GPC5: variants seen among roughly 807,000 people sequenced by gnomAD.
The protein encoded by GPC5 is glypican 5.
In GPC5, 47 loss-of-function variants were observed where a neutral mutation model predicts 53.9. That is an observed-to-expected ratio of 0.87 (90% confidence interval 0.69 to 1.11). The LOEUF (loss-of-function observed/expected upper bound fraction) is 1.11. Among genes scored for constraint, GPC5 ranks in the 50% most tolerant of loss-of-function variants. The pLI is 0.00. For missense variants in GPC5, 748 were observed against 713.1 expected (o/e 1.05, Z -0.56); for synonymous variants, 286 against 263.3 (o/e 1.09, Z -0.84).
At chr13:91,960,412 A>C (rs1393349635) in intron 6 of GPC5, among the ~76,000 whole-genome samples, 1 of 152,022 alleles carries the variant, frequency 6.6e-6, no homozygotes, top group African/African-American at 2.4e-5. Flanking sequence ...AAACACTGAT[A>C]AAGGAAACTA....
At chr13:92,559,862 C>T (rs1394277973) in intron 7 of GPC5, among the ~76,000 whole-genome samples, 1 of 151,222 alleles carries the variant, frequency 6.6e-6, no homozygotes, top group Non-Finnish European at 1.5e-5. Flanking sequence ...TCTCCACCGC[C>T]TCCTCATATG....
chr13:92,277,897 A>G (rs1267479061), intron 7 of GPC5, among the ~76,000 whole-genome samples: 1 of 151,974 alleles, frequency 6.6e-6, no homozygotes, highest in African/African-American at 2.4e-5. Context: ...TTTAGATACT[A>G]GAAAAATATA....
chr13:92,290,616 A>C (rs1476285858), intron 7 of GPC5, among the ~76,000 whole-genome samples: 3 of 152,250 alleles, frequency 2.0e-5, no homozygotes, highest in Non-Finnish European at 4.4e-5. Context: ...TACTTCACTT[A>C]GAATGAGTCT....
intron 7 of GPC5, among the ~76,000 whole-genome samples, chr13:92,677,312 C>A (rs558181526): frequency 6.6e-6 from 1 of 152,210 alleles, no homozygotes; most frequent in Admixed American, 6.5e-5. Context: ...AAAAGACTAA[C>A]TTGAATACAA....
chr13:92,548,143 CTAT>C (rs979335543), intron 7 of GPC5, among the ~76,000 whole-genome samples: 1 of 151,718 alleles, frequency 6.6e-6, no homozygotes, highest in African/African-American at 2.4e-5. Flanking sequence ...CCGGCCATGG[CTAT>C]TATTCTTTTA....
chr13:92,724,903 C>CACACACACAG lies in GPC5; in HGVS notation c.1562-141370_1562-141369insGACACACACA, dbSNP rs1358016015. Among the ~76,000 whole-genome samples, 280 of 150,052 alleles carry CACACACACAG rather than the reference C, an allele frequency of 1.9e-3. 1 individual carries two copies. Among genetic ancestry groups the CACACACACAG allele is most frequent in the African/African-American group, 6.6e-3 (270 of 40,820 alleles). On this transcript the variant is annotated intron_variant, in intron 7 of 7. Coordinates refer to ENST00000377067, the MANE Select transcript of GPC5 (RefSeq NM_004466.6). ...ACACACACACACACACACACACACA[C>CACACACACAG]ACACACACAAGAAAGAAAAAACAAG...
intron 1 of GPC5, among the ~76,000 whole-genome samples, chr13:91,416,578 A>G (rs1470643266): frequency 6.6e-6 from 1 of 151,968 alleles, no homozygotes; most frequent in Non-Finnish European, 1.5e-5. Context: ...CCTTTACATT[A>G]CGCATTTCTC....
intron 7 of GPC5, among the ~76,000 whole-genome samples, chr13:92,645,566 T>C (rs533274666): frequency 6.6e-6 from 1 of 152,310 alleles, no homozygotes; most frequent in Admixed American, 6.5e-5. Context: ...TGCTCAGTCA[T>C]ACAATAAGTG....
chr13:92,782,697 T>C (rs547294971), intron 7 of GPC5, among the ~76,000 whole-genome samples: 8 of 152,218 alleles, frequency 5.3e-5, no homozygotes, highest in Non-Finnish European at 8.8e-5. Flanking sequence ...TCTGTGAATA[T>C]AGACTGGTTT....
At chr13:92,441,543 A>G (rs1018415869) in intron 7 of GPC5, among the ~76,000 whole-genome samples, 2 of 152,188 alleles carry the variant, frequency 1.3e-5, no homozygotes, top group Non-Finnish European at 2.9e-5. Flanking sequence ...CACTAATAAC[A>G]TTGAACCTGA....
Position 91,458,288 on chromosome 13 carries a change from G to A in GPC5, c.325+9366G>A, listed in dbSNP as rs13378691. Reference sequence around the variant, plus strand: ...GAAAGGATATCACCGAGGCCAGGTCGTCTGGGGCCTGTTAGGCATTTATTC... The same window carrying A: ...GAAAGGATATCACCGAGGCCAGGTCATCTGGGGCCTGTTAGGCATTTATTC... On this transcript the variant is annotated intron_variant, in intron 2 of 7. Transcript: ENST00000377067. Among the ~76,000 whole-genome samples the A allele has an allele frequency of 4.3e-3, 656 of 152,166 alleles. 3 individuals carry two copies. The highest frequency in any genetic ancestry group is 0.015 in the African/African-American group (635 of 41,534).
chr13:92,315,729 A>T (rs2043174521), intron 7 of GPC5, among the ~76,000 whole-genome samples: 1 of 152,230 alleles, frequency 6.6e-6, no homozygotes, highest in Non-Finnish European at 1.5e-5. Flanking sequence ...TGAGATATGG[A>T]TTGGAAAAAT....
intron 6 of GPC5, among the ~76,000 whole-genome samples, chr13:92,061,146 G>A (rs2041119898): frequency 6.6e-6 from 1 of 151,950 alleles, no homozygotes; most frequent in South Asian, 2.1e-4. Context: ...AGAACCTATT[G>A]CTTTAGGGAT....
intron 7 of GPC5, among the ~76,000 whole-genome samples, chr13:92,201,735 A>C (rs1204872778): frequency 6.6e-6 from 1 of 152,224 alleles, no homozygotes; most frequent in East Asian, 1.9e-4. Context: ...AAAGAAATTA[A>C]AGAACACAAG....
chr13:91,912,874 G>A lies in GPC5; in HGVS notation c.1401+4817G>A, dbSNP rs932538329. 4.6e-5 allele frequency among the ~76,000 whole-genome samples: 7 copies of A among 152,076 alleles called. No homozygotes were observed. In the South Asian group the frequency reaches 6.2e-4, roughly 14 times the overall value. ...TAACAATTGTATTTTGATACATATT[G>A]CCACGTTTTTCTCAAGGAAAATTAA... On this transcript the variant is annotated intron_variant, in intron 6 of 7. Transcript: ENST00000377067.
chr13:92,549,884 TACACACACACACAC>T lies in GPC5; in HGVS notation c.1562-316374_1562-316361del, dbSNP rs34914341. The stretch of plus-strand genomic sequence containing the variant: ...AAGTTTCTTTTACCAAACACACACA[TACACACACACACAC>T]ACACACACACACACACACACACAAT... On this transcript the variant is annotated intron_variant, in intron 7 of 7. Coordinates refer to ENST00000377067, the MANE Select transcript of GPC5 (RefSeq NM_004466.6). Among the ~76,000 whole-genome samples the T allele has an allele frequency of 2.1e-4, 30 of 140,886 alleles. No individual in the cohort carries two copies. In the East Asian group the frequency reaches 4.3e-3, roughly 20 times the overall value. The allele number at this position is 140,886 out of a possible 152,430, so 92.4% of individuals were successfully genotyped here. A position where few individuals can be genotyped will look rare whatever the true frequency, so the allele number is the denominator to read the frequency against.
At chr13:92,209,689 A>C (rs1215781556) in intron 7 of GPC5, among the ~76,000 whole-genome samples, 1 of 152,032 alleles carries the variant, frequency 6.6e-6, no homozygotes, top group African/African-American at 2.4e-5. Flanking sequence ...AAAAAAAAAT[A>C]GTGTCTAGTT....
intron 7 of GPC5, among the ~76,000 whole-genome samples, chr13:92,201,959 C>T (rs2042298235): frequency 6.6e-6 from 1 of 152,112 alleles, no homozygotes; most frequent in Non-Finnish European, 1.5e-5. Context: ...CAATAGTAAT[C>T]AGATTACTTA....
At position 92,111,193 on chromosome 13, in the gene GPC5, C is replaced by G. The variant is rs1191915676; in HGVS notation, c.1402-33637C>G. ...CTTCCTTCCTTTTCACTCTGCCATC[C>G]TTTACATGTGTCTGTCTTTCTGATC... On this transcript the variant is annotated intron_variant, in intron 6 of 7. Coordinates refer to ENST00000377067, the MANE Select transcript of GPC5 (RefSeq NM_004466.6). Among the ~76,000 whole-genome samples, 3 of 152,152 alleles carry G rather than the reference C, an allele frequency of 2.0e-5. No homozygotes were observed. The South Asian group carries it at 6.2e-4, about 31-fold the overall frequency.
Sources: allele counts gnomAD v4.1 joint callset (sites outside exome capture counted in the v4.1 genomes callset), GRCh38; gene constraint gnomAD v4.1.1; transcripts MANE v1.5; gene names NCBI Gene and HGNC (gene_info 2026-07-23, HGNC 2026-07-21).